Variants in ARHGAP15 observed in about 807,000 individuals in gnomAD.
ARHGAP15 encodes rho GTPase-activating protein 15.
In ARHGAP15, 51 loss-of-function variants were observed where a neutral mutation model predicts 63.7. The observed-to-expected ratio is 0.80, with a 90% CI of 0.64 to 1.01. ARHGAP15 has a LOEUF of 1.01. Ranked by LOEUF, ARHGAP15 falls within the 50% of genes least tolerant of loss-of-function variation. The probability of loss-of-function intolerance (pLI) is 0.00; values close to 1 mark genes in which losing one functional copy is unlikely to be tolerated. For missense variants in ARHGAP15, 560 were observed against 564.6 expected (o/e 0.99, Z 0.08); for synonymous variants, 191 against 193.8 (o/e 0.99, Z 0.12).
At chr2:143,192,871 T>G (rs6706449) in intron 2 of ARHGAP15, among the ~76,000 whole-genome samples, 111 of 152,348 alleles carry the variant, frequency 7.3e-4, no homozygotes, top group African/African-American at 2.5e-3. Flanking sequence ...GTGCTGTAAC[T>G]TAAGCTGCTT....
At chr2:143,603,488 T>G (rs1574693398) in intron 11 of ARHGAP15, among the ~76,000 whole-genome samples, 1 of 152,118 alleles carries the variant, frequency 6.6e-6, no homozygotes, top group East Asian at 1.9e-4. Flanking sequence ...CTTTTTGTAT[T>G]GTTGTTTGAC....
chr2:143,190,365 G>T (rs1446403764), intron 2 of ARHGAP15, among the ~76,000 whole-genome samples: 1 of 152,156 alleles, frequency 6.6e-6, no homozygotes, highest in Non-Finnish European at 1.5e-5. Context: ...TTTAGTGTCT[G>T]CAGGACCTGG....
chr2:143,611,485 A>G (rs1184141783), intron 11 of ARHGAP15, among the ~76,000 whole-genome samples: 2 of 152,162 alleles, frequency 1.3e-5, no homozygotes, highest in Non-Finnish European at 2.9e-5. Context: ...TACTATGAAA[A>G]TGACATAAGA....
At chr2:143,672,701 A>T (rs1438853740) in intron 12 of ARHGAP15, among the ~76,000 whole-genome samples, 1 of 152,192 alleles carries the variant, frequency 6.6e-6, no homozygotes, top group Non-Finnish European at 1.5e-5. Flanking sequence ...GTCACACTCT[A>T]GTTTGAGAAT....
At chr2:143,322,652 G>A (rs1684076617) in intron 6 of ARHGAP15, among the ~76,000 whole-genome samples, 1 of 152,158 alleles carries the variant, frequency 6.6e-6, no homozygotes, top group Non-Finnish European at 1.5e-5. Flanking sequence ...TGCCTGATGG[G>A]AAAAACCAAA....
In ARHGAP15 at chr2:143,703,544, G is replaced by A. The variant is rs1302053990; in HGVS notation, c.1244+20G>A. ...AACTAAGTAAGTTGTAAGGATTTCT[G>A]GATGTGTCATTTTATAGTCATTTCC... On this transcript the variant is annotated intron_variant, in intron 13 of 13. Coordinates refer to ENST00000295095, the MANE Select transcript of ARHGAP15 (RefSeq NM_018460.4). 17 of 1,562,154 alleles carry A rather than the reference G, an allele frequency of 1.1e-5. No homozygotes were observed. Among genetic ancestry groups the A allele is most frequent in the African/African-American group, 2.8e-5 (2 of 72,682 alleles).
At chr2:143,602,180 A>G (rs1173498547) in intron 11 of ARHGAP15, among the ~76,000 whole-genome samples, 1 of 152,220 alleles carries the variant, frequency 6.6e-6, no homozygotes, top group Non-Finnish European at 1.5e-5. Context: ...AATGGTTGTC[A>G]TGTACACGTT....
At chr2:143,721,743 G>C (rs1183192212) in intron 13 of ARHGAP15, among the ~76,000 whole-genome samples, 1 of 151,804 alleles carries the variant, frequency 6.6e-6, no homozygotes, top group Non-Finnish European at 1.5e-5. Flanking sequence ...CTGGAGTGCA[G>C]TGGCGGGATC....
At chr2:143,563,875 C>A (rs1422178454) in intron 11 of ARHGAP15, 1 of 152,266 alleles carries the variant, frequency 6.6e-6, no homozygotes, top group South Asian at 2.1e-4. Context: ...TCTCCTGCTG[C>A]CTAACCATAT....
chr2:143,135,062 G>A (rs765055442), intron 1 of ARHGAP15, among the ~76,000 whole-genome samples: 16 of 152,210 alleles, frequency 1.1e-4, no homozygotes, highest in Non-Finnish European at 1.6e-4. Flanking sequence ...TCTCAGAGGA[G>A]ACTAAGACAG....
intron 6 of ARHGAP15, among the ~76,000 whole-genome samples, chr2:143,337,246 G>A (rs1190513565): frequency 6.6e-6 from 1 of 150,430 alleles, no homozygotes; most frequent in African/African-American, 2.4e-5. Flanking sequence ...GAGAGAAAGA[G>A]CAGAAGAAGG....
chr2:143,288,757 A>C (rs928927492), intron 6 of ARHGAP15, among the ~76,000 whole-genome samples: 3 of 151,708 alleles, frequency 2.0e-5, no homozygotes, highest in Admixed American at 2.0e-4. Context: ...GGAATTATTA[A>C]AGGTGCCATC....
intron 11 of ARHGAP15, among the ~76,000 whole-genome samples, chr2:143,613,132 A>T (rs1006768941): frequency 1.3e-5 from 2 of 150,358 alleles, no homozygotes; most frequent in Non-Finnish European, 3.0e-5. Context: ...AATGGAGATC[A>T]AAGAAAGATT....
chr2:143,656,934 G>GGTGTGTGTGTGTGTGTGTGTGTGAGTGT (rs1681468824), intron 12 of ARHGAP15, among the ~76,000 whole-genome samples: 1 of 144,936 alleles, frequency 6.9e-6, no homozygotes, highest in Non-Finnish European at 1.5e-5. Context: ...CAAAGTTTCT[G>GGTGTGTGTGTGTGTGTGTGTGTGAGTGT]GTGTGTGTGT....
At chr2:143,131,568 G>A (rs1688916928) in intron 1 of ARHGAP15, among the ~76,000 whole-genome samples, 1 of 152,130 alleles carries the variant, frequency 6.6e-6, no homozygotes, top group Admixed American at 6.6e-5. Context: ...CATAGACTTG[G>A]TACCTAGAAA....
chr2:143,341,563 TTAGTC>T (rs753929258), intron 6 of ARHGAP15, among the ~76,000 whole-genome samples: 12 of 152,148 alleles, frequency 7.9e-5, no homozygotes, highest in Non-Finnish European at 1.2e-4. Flanking sequence ...TTGGTTATGC[TTAGTC>T]TAAAGTCACA....
intron 8 of ARHGAP15, among the ~76,000 whole-genome samples, chr2:143,457,109 A>G (rs537905812): frequency 6.6e-6 from 1 of 152,286 alleles, no homozygotes; most frequent in African/African-American, 2.4e-5. Context: ...TCTATTTAAA[A>G]GAAAAAAGCT....
In ARHGAP15 at chr2:143,405,012, T is replaced by A. The variant is rs571460660; in HGVS notation, c.475-30589T>A. Among the ~76,000 whole-genome samples the A allele has an allele frequency of 7.4e-4, 112 of 152,048 alleles. 1 individual carries two copies. The highest frequency in any genetic ancestry group is 1.5e-3 in the Non-Finnish European group (100 of 67,886). ...ATTTACAACTTCTACATGAAAACAATCTGTAGGTTAGATTTTTCTCTCTTT... is the reference window on the plus strand; with the variant it reads ...ATTTACAACTTCTACATGAAAACAAACTGTAGGTTAGATTTTTCTCTCTTT... On this transcript the variant is annotated intron_variant, in intron 6 of 13. Coordinates refer to ENST00000295095, the MANE Select transcript of ARHGAP15 (RefSeq NM_018460.4).
intron 12 of ARHGAP15, chr2:143,682,961 T>C (rs959170030): frequency 2.0e-5 from 3 of 152,202 alleles, no homozygotes; most frequent in Admixed American, 6.5e-5. Context: ...CCCGGAGTTA[T>C]TGATGGCACT....
Sources: gnomAD v4.1 joint callset for allele counts (sites outside exome capture counted in the v4.1 genomes callset) on GRCh38, gnomAD v4.1.1 for gene constraint, MANE v1.5 for transcripts, NCBI Gene and HGNC (gene_info 2026-07-23, HGNC 2026-07-21) for gene names.